CEP128: variants seen among roughly 807,000 people sequenced by gnomAD.
CEP128 encodes centrosomal protein 128kDa.
A neutral mutation model predicts 156.7 loss-of-function variants in CEP128; 132 were observed. The observed-to-expected ratio is 0.84, with a 90% CI of 0.73 to 0.97. The LOEUF (loss-of-function observed/expected upper bound fraction) is 0.97. Ranked by LOEUF, CEP128 falls within the 50% of genes least tolerant of loss-of-function variation. The pLI, the probability that CEP128 is intolerant of heterozygous loss-of-function variation, is 0.00. For synonymous variants in CEP128, 469 were observed against 448.9 expected (o/e 1.04, Z -0.57); for missense variants, 1,252 against 1,281.9 (o/e 0.98, Z 0.36).
At position 80,526,994 on chromosome 14, in the gene CEP128, A is replaced by AG; in HGVS notation, c.2959-13_2959-12insC. 7.0e-7 allele frequency: 1 copy of AG among 1,431,190 alleles called. No homozygotes were observed. Among genetic ancestry groups the AG allele is most frequent in the Non-Finnish European group, 9.7e-7 (1 of 1,027,514 alleles). The allele number at this position is 1,431,190 out of a possible 1,614,324, so 88.7% of individuals were successfully genotyped here. On this transcript the variant is annotated splice_polypyrimidine_tract_variant and intron_variant, in intron 22 of 24. Transcript: ENST00000555265. ...GAACTGCAGGAATCCTGGAAAAAAA[A>AG]AAAAGCAAAGGGTCTGAACTGGTAG...
intron 17 of CEP128, among the ~76,000 whole-genome samples, chr14:80,757,695 A>G (rs1250581751): frequency 6.6e-6 from 1 of 152,202 alleles, no homozygotes; most frequent in African/African-American, 2.4e-5. Context: ...TTGCCTGTTT[A>G]AAAATATCCT....
chr14:80,538,466 G>A (rs1889585854), intron 21 of CEP128, among the ~76,000 whole-genome samples: 1 of 152,008 alleles, frequency 6.6e-6, no homozygotes, highest in Non-Finnish European at 1.5e-5. Flanking sequence ...AATGCTATAA[G>A]CATCTTCAAG....
intron 19 of CEP128, among the ~76,000 whole-genome samples, chr14:80,733,620 A>G (rs978703915): frequency 2.0e-5 from 3 of 152,178 alleles, no homozygotes; most frequent in Non-Finnish European, 4.4e-5. Context: ...TTTCAAATTA[A>G]TAAATGTTTT....
intron 19 of CEP128, among the ~76,000 whole-genome samples, chr14:80,720,129 C>G (rs750716706): frequency 1.3e-5 from 2 of 150,504 alleles, no homozygotes; most frequent in Non-Finnish European, 3.0e-5. Context: ...GAGATGGGGG[C>G]AAAAAAACTA....
chr14:80,949,848 G>A (rs568079252), intron 2 of CEP128, among the ~76,000 whole-genome samples: 46 of 152,064 alleles, frequency 3.0e-4, no homozygotes, highest in Non-Finnish European at 5.7e-4. Context: ...CCATTTTCAG[G>A]AGAAAAATCA....
intron 8 of CEP128, among the ~76,000 whole-genome samples, chr14:80,887,545 A>T (rs759484867): frequency 3.9e-5 from 6 of 152,218 alleles, no homozygotes; most frequent in Admixed American, 2.6e-4. Context: ...AAATAACAAA[A>T]TTAAGGCAGA....
intron 19 of CEP128, among the ~76,000 whole-genome samples, chr14:80,587,520 A>G (rs1263789743): frequency 1.3e-5 from 2 of 152,188 alleles, no homozygotes; most frequent in Admixed American, 1.3e-4. Flanking sequence ...CGACAACCTT[A>G]GAGATTTAAA....
intron 21 of CEP128, among the ~76,000 whole-genome samples, chr14:80,553,921 A>G (rs967166066): frequency 5.9e-5 from 9 of 152,220 alleles, no homozygotes; most frequent in Admixed American, 4.6e-4. Context: ...GTTGTGGAAT[A>G]GCACATCCTT....
At chr14:80,928,789 A>C (rs914906884) in intron 2 of CEP128, among the ~76,000 whole-genome samples, 2 of 152,144 alleles carry the variant, frequency 1.3e-5, no homozygotes, top group Admixed American at 1.3e-4. Context: ...TTAAGAAGAA[A>C]ACCTAGGAAA....
At chr14:80,940,021 T>G (rs1886059388) in intron 1 of CEP128, among the ~76,000 whole-genome samples, 1 of 152,206 alleles carries the variant, frequency 6.6e-6, no homozygotes, top group Non-Finnish European at 1.5e-5. Context: ...TGCCTTTGGT[T>G]GTAGAAAAGA....
intron 2 of CEP128, among the ~76,000 whole-genome samples, chr14:80,925,266 G>C (rs956999950): frequency 6.6e-6 from 1 of 151,564 alleles, no homozygotes; most frequent in Non-Finnish European, 1.5e-5. Flanking sequence ...AGTGAGAAAA[G>C]AAGTAGAACC....
intron 20 of CEP128, among the ~76,000 whole-genome samples, chr14:80,572,859 G>C (rs1399634325): frequency 6.6e-6 from 1 of 152,198 alleles, no homozygotes; most frequent in Non-Finnish European, 1.5e-5. Flanking sequence ...ATGAAGATGA[G>C]TCAAATCATC....
chr14:80,770,529 A>T (rs1427940688), intron 16 of CEP128, among the ~76,000 whole-genome samples: 1 of 152,152 alleles, frequency 6.6e-6, no homozygotes, highest in Non-Finnish European at 1.5e-5. Context: ...GTCAAGGAGT[A>T]CTCTGGGCTT....
At chr14:80,830,193 G>A in intron 13 of CEP128, 1 of 615,836 alleles carries the variant, frequency 1.6e-6, no homozygotes, top group East Asian at 2.8e-5. Flanking sequence ...TATTAAACAT[G>A]TAGAGGGCTT....
intron 19 of CEP128, among the ~76,000 whole-genome samples, chr14:80,737,721 A>C (rs1898607505): frequency 6.6e-6 from 1 of 151,688 alleles, no homozygotes; most frequent in Admixed American, 6.6e-5. Context: ...TCTCTATACA[A>C]AAATTAAAAA....
At chr14:80,546,884 G>A (rs777655283) in intron 21 of CEP128, among the ~76,000 whole-genome samples, 2 of 151,980 alleles carry the variant, frequency 1.3e-5, no homozygotes, top group Non-Finnish European at 2.9e-5. Context: ...ATGTAATTGG[G>A]GCATATGATA....
chr14:80,531,022 A>G, intron 21 of CEP128, 136 bp from the exon 22 acceptor site: 1 of 404,274 alleles, frequency 2.5e-6, no homozygotes, highest in Non-Finnish European at 4.5e-6. Flanking sequence ...ATAAGAACAT[A>G]TATAATAGTA....
rs759548769 is a variant in CEP128 at position 80,785,175 on chromosome 14, C to T, written c.1931G>A (p.Arg644Gln). Residue 644 changes from arginine (R) to glutamine (Q), a missense_variant, in exon 15 of 25, where the codon CGA (arginine) becomes CAA (glutamine). Coordinates refer to ENST00000555265, the MANE Select transcript of CEP128 (RefSeq NM_152446.5). ...AGCCAATTTATTAGCAAGATCTGCT[C>T]GGATGGCACTCAGGTCCTTGATGGA... The part of the protein sequence containing the change: ...QESIKDLSAI[R>Q]ADLANKLAEE... 1.1e-5 allele frequency: 18 copies of T among 1,614,160 alleles called. No individual in the cohort carries two copies. Among genetic ancestry groups the T allele is most frequent in the South Asian group, 7.7e-5 (7 of 91,076 alleles).
At chr14:80,810,165 T>C (rs1326421409) in intron 13 of CEP128, among the ~76,000 whole-genome samples, 1 of 150,456 alleles carries the variant, frequency 6.6e-6, no homozygotes, top group Non-Finnish European at 1.5e-5. Context: ...TTACTAAAAA[T>C]ACAAAAAATA....
Sources: allele counts gnomAD v4.1 joint callset (sites outside exome capture counted in the v4.1 genomes callset), GRCh38; gene constraint gnomAD v4.1.1; transcripts MANE v1.5; gene names NCBI Gene and HGNC (gene_info 2026-07-23, HGNC 2026-07-21).